Variants in PDE4D observed in about 807,000 individuals in gnomAD.
PDE4D encodes the protein phosphodiesterase 4D.
PDE4D carries 24 observed loss-of-function variants against 87.4 expected under a neutral mutation model. The observed-to-expected ratio is 0.27, with a 90% confidence interval of 0.20 to 0.39. The LOEUF is 0.39. Among genes scored for constraint, PDE4D ranks in the 10% least tolerant of loss-of-function variants. The pLI is 1.00. For missense variants in PDE4D, 714 were observed against 1,041.0 expected, an observed-to-expected ratio of 0.69 and a Z score of 4.32; for synonymous variants, 384 against 383.2, an observed-to-expected ratio of 1.00 and a Z score of -0.02.
chr5:59,192,789 A>T (rs1399068066), intron 3 of PDE4D, among the ~76,000 whole-genome samples: 1 of 152,190 alleles, frequency 6.6e-6, no homozygotes, highest in Admixed American at 6.5e-5. Context: ...GAAAAATACT[A>T]AGGCCTTTAA....
At chr5:59,200,006 C>T (rs59827529) in intron 2 of PDE4D, among the ~76,000 whole-genome samples, 27,767 of 130,342 alleles carry the variant, frequency 0.21, 4,860 homozygotes, top group African/African-American at 0.47. Context: ...ATGCATGCAA[C>T]ATACATACAT....
intron 2 of PDE4D, among the ~76,000 whole-genome samples, chr5:60,168,903 C>G (rs1443054938): frequency 1.3e-5 from 2 of 152,058 alleles, no homozygotes; most frequent in African/African-American, 4.8e-5. Flanking sequence ...ATGGCTGTAC[C>G]TCATGCAACA....
chr5:59,748,510 A>G (rs1434602314), intron 1 of PDE4D, among the ~76,000 whole-genome samples: 1 of 152,174 alleles, frequency 6.6e-6, no homozygotes, highest in African/African-American at 2.4e-5. Context: ...AGGGACATGG[A>G]TGAAGCTGGA....
At chr5:59,426,929 C>T (rs994145397) in intron 1 of PDE4D, among the ~76,000 whole-genome samples, 2 of 149,646 alleles carry the variant, frequency 1.3e-5, no homozygotes, top group African/African-American at 2.5e-5. Context: ...GTATTGTTTC[C>T]CTCTAGGAAA....
At chr5:59,082,234 C>T (rs1766897178) in intron 5 of PDE4D, among the ~76,000 whole-genome samples, 1 of 152,084 alleles carries the variant, frequency 6.6e-6, no homozygotes, top group African/African-American at 2.4e-5. Context: ...AGAATAGTTC[C>T]TTTTCATGGT....
intron 1 of PDE4D, among the ~76,000 whole-genome samples, chr5:60,213,641 T>C (rs1210744078): frequency 2.6e-5 from 4 of 152,202 alleles, no homozygotes; most frequent in Non-Finnish European, 2.9e-5. Flanking sequence ...TTTTAAACTT[T>C]TTTTATAGTC....
intron 1 of PDE4D, among the ~76,000 whole-genome samples, chr5:60,422,414 T>G (rs900456772): frequency 1.3e-5 from 2 of 152,174 alleles, no homozygotes; most frequent in African/African-American, 4.8e-5. Flanking sequence ...AAAAAAATTT[T>G]CAACCCAGAA....
At chr5:59,910,995 T>A (rs1404791365) in intron 3 of PDE4D, among the ~76,000 whole-genome samples, 1 of 152,210 alleles carries the variant, frequency 6.6e-6, no homozygotes, top group Admixed American at 6.5e-5. Context: ...CCTAACAGAT[T>A]CCATCTTGCT....
chr5:59,790,225 G>A (rs1267972347), intron 1 of PDE4D, among the ~76,000 whole-genome samples: 1 of 152,120 alleles, frequency 6.6e-6, no homozygotes, highest in Non-Finnish European at 1.5e-5. Flanking sequence ...ACTGAACACA[G>A]CAAAATAATT....
intron 1 of PDE4D, among the ~76,000 whole-genome samples, chr5:59,597,710 C>T (rs938384106): frequency 6.6e-6 from 1 of 151,882 alleles, no homozygotes; most frequent in African/African-American, 2.4e-5. Context: ...AACTAGAACC[C>T]AATAATTTAG....
At chr5:60,041,867 C>A (rs970185178) in intron 2 of PDE4D, among the ~76,000 whole-genome samples, 1 of 151,828 alleles carries the variant, frequency 6.6e-6, no homozygotes, top group Non-Finnish European at 1.5e-5. Context: ...AAGCACACAA[C>A]TGGGTGGCTG....
At chr5:59,301,630 T>TGCTGAG (rs1301854949) in intron 1 of PDE4D, among the ~76,000 whole-genome samples, 2 of 152,076 alleles carry the variant, frequency 1.3e-5, no homozygotes, top group Admixed American at 1.3e-4. Context: ...ATCTCCATTT[T>TGCTGAG]GCTGAGTAGA....
intron 1 of PDE4D, among the ~76,000 whole-genome samples, chr5:59,867,143 T>A (rs1052618158): frequency 6.6e-6 from 1 of 152,126 alleles, no homozygotes; most frequent in Non-Finnish European, 1.5e-5. Flanking sequence ...GGAAGCTTAC[T>A]TAATTGAGAT....
intron 1 of PDE4D, among the ~76,000 whole-genome samples, chr5:59,625,386 C>T (rs1399692012): frequency 6.6e-6 from 1 of 151,962 alleles, no homozygotes; most frequent in Non-Finnish European, 1.5e-5. Flanking sequence ...GAGAGATGAC[C>T]TTGATTCCAG....
intron 1 of PDE4D, among the ~76,000 whole-genome samples, chr5:59,229,353 G>T (rs567347367): frequency 6.6e-6 from 1 of 152,132 alleles, no homozygotes; most frequent in South Asian, 2.1e-4. Context: ...TTTTAATTTA[G>T]CTAGGAGTTG....
At chr5:60,132,444 C>T (rs1417982267) in intron 2 of PDE4D, among the ~76,000 whole-genome samples, 1 of 152,086 alleles carries the variant, frequency 6.6e-6, no homozygotes, top group African/African-American at 2.4e-5. Flanking sequence ...TAGACAACTT[C>T]TTCCCTCATT....
At chr5:60,052,586 C>T (rs1453788550) in intron 2 of PDE4D, among the ~76,000 whole-genome samples, 2 of 152,016 alleles carry the variant, frequency 1.3e-5, no homozygotes, top group Non-Finnish European at 2.9e-5. Context: ...AATATCATAC[C>T]AAATGGGCAA....
intron 4 of PDE4D, among the ~76,000 whole-genome samples, chr5:59,184,003 G>C (rs1353297937): frequency 6.6e-6 from 1 of 152,158 alleles, no homozygotes; most frequent in African/African-American, 2.4e-5. Context: ...ATCAGACAGA[G>C]ATGGAAAGGC....
intron 1 of PDE4D, among the ~76,000 whole-genome samples, chr5:59,389,677 G>A (rs753780635): frequency 6.6e-6 from 1 of 152,112 alleles, no homozygotes; most frequent in South Asian, 2.1e-4. Flanking sequence ...ATTCACAATA[G>A]CCAAGATATG....
Sources: gnomAD v4.1 joint callset for allele counts (sites outside exome capture counted in the v4.1 genomes callset) on GRCh38, gnomAD v4.1.1 for gene constraint, MANE v1.5 for transcripts, NCBI Gene and HGNC (gene_info 2026-07-23, HGNC 2026-07-21) for gene names.